The following CEP192 variants were observed in gnomAD, a reference collection of about 807,000 sequenced individuals.
CEP192 encodes centrosomal protein of 192 kDa.
A neutral mutation model predicts 271.8 loss-of-function variants in CEP192; 151 were observed. The ratio of observed to expected loss-of-function variants is 0.56; its 90% CI spans 0.49 to 0.64. The LOEUF (loss-of-function observed/expected upper bound fraction) is 0.64, where lower values mean the gene tolerates loss of function less well. CEP192 is among the 30% of genes least tolerant of loss of function. The pLI is 0.00. For synonymous variants in CEP192, 995 were observed against 1,076.5 expected (o/e 0.92, Z 1.48); for missense variants, 2,910 against 3,020.5 (o/e 0.96, Z 0.86).
chr18:13,048,903 G>C lies in CEP192; in HGVS notation c.2112G>C (p.Lys704Asn), dbSNP rs778310445. 1.2e-6 allele frequency: 2 copies of C among 1,610,636 alleles called. No homozygotes were observed. The highest frequency in any genetic ancestry group is 1.7e-6 in the Non-Finnish European group (2 of 1,177,704). Residue 704 changes from lysine (K) to asparagine (N), a missense_variant, in exon 16 of 45, where the codon AAG becomes AAC. Lys to Asn is a moderately conservative substitution (Grantham distance 94). Coordinates refer to ENST00000506447, the MANE Select transcript of CEP192 (RefSeq NM_032142.4). Reference protein sequence around the residue: ...MSNKPQRYKDKLPDSGDSMLR... With the variant: ...MSNKPQRYKDNLPDSGDSMLR... ...ACAAACCCCAAAGATACAAAGACAA[G>C]CTACCAGATAGTGGTGATTCTATGC...
intron 1 of CEP192, among the ~76,000 whole-genome samples, chr18:12,998,708 T>G (rs2033417459): frequency 6.6e-6 from 1 of 152,224 alleles, no homozygotes; most frequent in Non-Finnish European, 1.5e-5. Flanking sequence ...ATTTATCTTT[T>G]TATCCTTCTG....
intron 3 of CEP192, among the ~76,000 whole-genome samples, chr18:13,002,165 C>T (rs893869391): frequency 6.6e-6 from 1 of 152,042 alleles, no homozygotes; most frequent in Non-Finnish European, 1.5e-5. Context: ...AACTAGAGAA[C>T]AGCCATTGAG....
rs969312211 is a variant in CEP192, at chr18:13,018,587, A to G, written c.897A>G (p.Glu299=). Residue 299 remains glutamate (E), a synonymous_variant, in exon 8 of 45, where the codon GAA becomes GAG. Coordinates refer to ENST00000506447, the MANE Select transcript of CEP192 (RefSeq NM_032142.4). ...AAACAACTCACAAAGAGTCTGAGGA[A>G]AGCCAAGTTATTTGTCTACCTGGGA... ...SSETTHKESE[E]SQVICLPGTS... The G allele has an allele frequency of 4.5e-6, 7 of 1,538,820 alleles. No individual in the cohort carries two copies. In the Admixed American group the frequency reaches 1.4e-4, roughly 31 times the overall value.
intron 13 of CEP192, 88 bp from the exon 14 acceptor site, chr18:13,040,742 C>A: frequency 9.9e-7 from 1 of 1,014,288 alleles, no homozygotes; most frequent in Non-Finnish European, 1.4e-6. Context: ...TGTCATTTAG[C>A]TGTTTTACCA....
chr18:13,099,185 AG>A lies in CEP192; in HGVS notation c.6558-286del, dbSNP rs1454156704. Reference sequence around the variant, plus strand: ...GGAGACCATGGGGAGAGGGAGGGGGAGGGGGAGGGGGAGAGGGAGAGGGAGA... The same window carrying A: ...GGAGACCATGGGGAGAGGGAGGGGGAGGGGAGGGGGAGAGGGAGAGGGAGA... On this transcript the variant is annotated intron_variant, in intron 36 of 44. Coordinates refer to ENST00000506447, the MANE Select transcript of CEP192 (RefSeq NM_032142.4). Among the ~76,000 whole-genome samples, 7 of 9,248 alleles carry A rather than the reference AG, an allele frequency of 7.6e-4. No individual in the cohort carries two copies. The South Asian group carries it at 0.015, about 20-fold the overall frequency. The allele number at this position is 9,248 out of a possible 152,430, so 6.1% of individuals were successfully genotyped here. A position where few individuals can be genotyped will look rare whatever the true frequency, so the allele number is the denominator to read the frequency against.
chr18:13,036,145 C>CAA (rs55837148), intron 11 of CEP192, among the ~76,000 whole-genome samples: 1,344 of 133,104 alleles, frequency 0.01, 19 homozygotes, highest in African/African-American at 0.035. Context: ...GACCTTGTCT[C>CAA]AAAAAAAAAA....
At chr18:13,023,799 TATA>T (rs2035129091) in intron 9 of CEP192, among the ~76,000 whole-genome samples, 4 of 152,178 alleles carry the variant, frequency 2.6e-5, no homozygotes, top group Admixed American at 2.6e-4. Flanking sequence ...AGAGAATTAG[TATA>T]ATGTTTTCCT....
At chr18:13,002,858 G>C (rs998312967) in intron 3 of CEP192, among the ~76,000 whole-genome samples, 19 of 152,130 alleles carry the variant, frequency 1.2e-4, no homozygotes, top group Admixed American at 1.0e-3. Context: ...TTATATTTAT[G>C]TTGTGAATTG....
intron 26 of CEP192, 116 bp downstream of exon 26, chr18:13,069,297 T>G: frequency 1.2e-6 from 1 of 811,792 alleles, no homozygotes; most frequent in Non-Finnish European, 2.1e-6. Context: ...GAACCTCAGA[T>G]GAAAGAATCG....
At chr18:13,123,565 C>T (rs969648727) in intron 44 of CEP192, among the ~76,000 whole-genome samples, 2 of 152,140 alleles carry the variant, frequency 1.3e-5, no homozygotes, top group Non-Finnish European at 2.9e-5. Context: ...CTTTAAAACA[C>T]ACAGCTCTGA....
Position 13,019,186 on chromosome 18 carries a change from A to G in CEP192, c.1030A>G (p.Ile344Val), listed in dbSNP as rs1299359116. The G allele has an allele frequency of 1.3e-6, 2 of 1,539,840 alleles. No homozygotes were observed. Among genetic ancestry groups the G allele is most frequent in the Non-Finnish European group, 1.7e-6 (2 of 1,142,934 alleles). Residue 344 changes from isoleucine (I) to valine (V), a missense_variant, in exon 9 of 45, where the codon ATT becomes GTT. Ile to Val is a conservative substitution (Grantham distance 29). Coordinates refer to ENST00000506447, the MANE Select transcript of CEP192 (RefSeq NM_032142.4). ...GAAAGAAATAGAAAATTTGAAGGGT[A>G]TTGTTCCAGATCTTAACAGTGTAAG... ...TEKEIENLKG[I>V]VPDLNSECAS...
intron 20 of CEP192, 65 bp downstream of exon 20, chr18:13,057,798 C>T: frequency 6.6e-7 from 1 of 1,504,888 alleles, no homozygotes; most frequent in Non-Finnish European, 9.2e-7. Flanking sequence ...TTGATTTCCC[C>T]CATCTCTAGT....
At chr18:13,029,179 T>A (rs534571793) in intron 9 of CEP192, among the ~76,000 whole-genome samples, 1 of 152,390 alleles carries the variant, frequency 6.6e-6, no homozygotes, top group East Asian at 1.9e-4. Flanking sequence ...AGGCACTGGA[T>A]TAATTTGCTG....
At chr18:13,021,931 T>C (rs1179090723) in intron 9 of CEP192, among the ~76,000 whole-genome samples, 3 of 152,236 alleles carry the variant, frequency 2.0e-5, no homozygotes, top group Non-Finnish European at 4.4e-5. Flanking sequence ...TAGAAACATC[T>C]GATTTTTGTG....
In CEP192 at chr18:13,073,054, G is replaced by A; in HGVS notation, c.5485G>A (p.Glu1829Lys). ...AGAACAGCGATTGACCAGTAACTGT[G>A]AGATCAGAATTCACCCAAAGGAAGA... ...GSEQRLTSNC[E>K]IRIHPKEDIF... Residue 1829 changes from glutamate to lysine, a missense_variant, in exon 30 of 45, where the codon GAG (glutamate) becomes AAG (lysine). Coordinates refer to ENST00000506447, the MANE Select transcript of CEP192 (RefSeq NM_032142.4). The A allele has an allele frequency of 1.2e-6, 2 of 1,612,990 alleles. No homozygotes were observed. Among genetic ancestry groups the A allele is most frequent in the Non-Finnish European group, 1.7e-6 (2 of 1,179,720 alleles).
Position 13,071,268 on chromosome 18 carries a change from T to A in CEP192, c.5348+56T>A. 16 of 1,451,996 alleles carry A rather than the reference T, an allele frequency of 1.1e-5. No individual in the cohort carries two copies. In the South Asian group the frequency reaches 1.9e-4, roughly 17 times the overall value. 89.9% of individuals were successfully genotyped at this position (1,451,996 alleles called of 1,614,324 possible). Reference sequence around the variant, plus strand: ...TATTTATACATATTTTGGAGCAGACTACAAATTAATGTTTGCAGGAAAATT... The same window carrying A: ...TATTTATACATATTTTGGAGCAGACAACAAATTAATGTTTGCAGGAAAATT... On this transcript the variant is annotated intron_variant, in intron 28 of 44. Transcript: ENST00000506447.
At chr18:13,007,073 C>T (rs903896761) in intron 3 of CEP192, among the ~76,000 whole-genome samples, 1 of 152,134 alleles carries the variant, frequency 6.6e-6, no homozygotes, top group African/African-American at 2.4e-5. Flanking sequence ...TGTGTTTCTC[C>T]CTGGCAGATT....
chr18:13,018,454 A>G (rs1454401312), intron 7 of CEP192, 26 bp from the exon 8 acceptor site: 11 of 1,424,702 alleles, frequency 7.7e-6, no homozygotes, highest in African/African-American at 1.5e-5. Flanking sequence ...TAAAAGATTA[A>G]TACAGCTAAG....
chr18:13,106,491 A>C (rs1242684341), intron 40 of CEP192, among the ~76,000 whole-genome samples: 5 of 147,922 alleles, frequency 3.4e-5, no homozygotes, highest in African/African-American at 1.3e-4. Context: ...ACTACTCACC[A>C]CTGCCATCAC....
Sources: allele counts gnomAD v4.1 joint callset (sites outside exome capture counted in the v4.1 genomes callset), GRCh38; gene constraint gnomAD v4.1.1; transcripts MANE v1.5; gene names NCBI Gene and HGNC (gene_info 2026-07-23, HGNC 2026-07-21).